The following VPS13B variants were observed in gnomAD, a reference collection of about 807,000 sequenced individuals.
The protein encoded by VPS13B is vacuolar protein sorting 13 homolog B, also known as intermembrane lipid transfer protein VPS13B.
VPS13B carries 285 observed loss-of-function variants against 426.4 expected under a neutral mutation model. The observed-to-expected ratio is 0.67, with a 90% CI of 0.61 to 0.74. VPS13B has a LOEUF of 0.74. VPS13B is among the 30% of genes least tolerant of loss of function. The pLI is 0.00. For missense variants in VPS13B, 4,537 were observed against 4,782.6 expected, an observed-to-expected ratio of 0.95 and a Z score of 1.51; for synonymous variants, 1,676 against 1,676.4, an observed-to-expected ratio of 1.00 and a Z score of 0.01.
chr8:99,681,030 T>C (rs1441225132), intron 35 of VPS13B, among the ~76,000 whole-genome samples: 2 of 152,232 alleles, frequency 1.3e-5, no homozygotes, highest in African/African-American at 4.8e-5. Context: ...TATTTTTGCA[T>C]ATTTTTTTCT....
At chr8:99,455,362 G>A (rs1818399885) in intron 23 of VPS13B, among the ~76,000 whole-genome samples, 1 of 152,056 alleles carries the variant, frequency 6.6e-6, no homozygotes, top group Admixed American at 6.6e-5. Flanking sequence ...GAAGCGTGGT[G>A]GCATCTGCTT....
At chr8:99,439,353 A>G (rs975153360) in intron 22 of VPS13B, among the ~76,000 whole-genome samples, 1 of 152,142 alleles carries the variant, frequency 6.6e-6, no homozygotes, top group African/African-American at 2.4e-5. Flanking sequence ...GAATTCTGTA[A>G]GGATATTAAT....
chr8:99,366,207 C>A (rs957429156), intron 19 of VPS13B, among the ~76,000 whole-genome samples: 1 of 151,962 alleles, frequency 6.6e-6, no homozygotes, highest in Non-Finnish European at 1.5e-5. Context: ...AAGTCTCTAC[C>A]TTTTATTGTG....
chr8:99,217,952 A>T (rs1401526046), intron 17 of VPS13B, among the ~76,000 whole-genome samples: 2 of 152,248 alleles, frequency 1.3e-5, no homozygotes, highest in Admixed American at 1.3e-4. Flanking sequence ...TGACTCATGA[A>T]CATATCAATC....
At chr8:99,150,867 G>T (rs1451062263) in intron 14 of VPS13B, among the ~76,000 whole-genome samples, 2 of 152,106 alleles carry the variant, frequency 1.3e-5, no homozygotes, top group Non-Finnish European at 2.9e-5. Flanking sequence ...TTTTGGTGTG[G>T]GCATGTTTTC....
In VPS13B at chr8:99,156,621, G is replaced by A. The variant is rs1239755416; in HGVS notation, c.2086G>A (p.Asp696Asn). The A allele has an allele frequency of 3.7e-6, 6 of 1,613,958 alleles. No homozygotes were observed. The highest frequency in any genetic ancestry group is 4.2e-6 in the Non-Finnish European group (5 of 1,179,942). ...TTTGCCATCCATTCGAATATTGGTG[G>A]ATAAAATTAATCTGGAACATTCAGT... Reference protein sequence around the residue: ...RPLPSIRILVDKINLEHSVPM... With the variant: ...RPLPSIRILVNKINLEHSVPM... The change falls in exon 15 of 62, where the codon GAT becomes AAT. Residue 696 changes from aspartate (D) to asparagine (N), a missense_variant. Physicochemically the swap from Asp to Asn is conservative, Grantham distance 23 (BLOSUM62 1). Coordinates refer to ENST00000357162, the MANE Select transcript of VPS13B (RefSeq NM_152564.5).
At chr8:99,573,879 A>G (rs1243157184) in intron 31 of VPS13B, among the ~76,000 whole-genome samples, 2 of 152,146 alleles carry the variant, frequency 1.3e-5, no homozygotes, top group East Asian at 3.9e-4. Context: ...GAATCTATAA[A>G]TTACCTTGGG....
intron 33 of VPS13B, among the ~76,000 whole-genome samples, chr8:99,627,566 T>A (rs1283311338): frequency 6.6e-6 from 1 of 152,084 alleles, no homozygotes; most frequent in Non-Finnish European, 1.5e-5. Context: ...GTATTTTTGG[T>A]AGAGATGGGG....
intron 33 of VPS13B, among the ~76,000 whole-genome samples, chr8:99,592,185 C>G (rs1826721042): frequency 6.6e-6 from 1 of 152,074 alleles, no homozygotes; most frequent in Admixed American, 6.6e-5. Flanking sequence ...AAGGTCTTCT[C>G]TACACTGTTT....
intron 34 of VPS13B, among the ~76,000 whole-genome samples, chr8:99,654,361 TATG>T (rs1829943383): frequency 1.3e-5 from 2 of 152,232 alleles, no homozygotes; most frequent in South Asian, 2.1e-4. Context: ...ACTGAATTAT[TATG>T]ATGTTTAATG....
At chr8:99,043,449 G>A (rs2132236815) in intron 3 of VPS13B, among the ~76,000 whole-genome samples, 1 of 152,004 alleles carries the variant, frequency 6.6e-6, no homozygotes, top group African/African-American at 2.4e-5. Flanking sequence ...GCTGAAGTCT[G>A]TGTTTATCGT....
At chr8:99,233,417 G>T in intron 17 of VPS13B, 2 of 1,222,238 alleles carry the variant, frequency 1.6e-6, no homozygotes, top group Non-Finnish European at 1.2e-6. Flanking sequence ...AGTCTTGCCA[G>T]CTGTTTGATG....
chr8:99,812,631 G>C (rs1813775635), intron 44 of VPS13B, among the ~76,000 whole-genome samples: 1 of 152,014 alleles, frequency 6.6e-6, no homozygotes, highest in South Asian at 2.1e-4. Context: ...AAATTTTGTG[G>C]GAACTTTGTA....
chr8:99,530,473 G>T (rs1309671901), intron 30 of VPS13B, among the ~76,000 whole-genome samples: 1 of 152,048 alleles, frequency 6.6e-6, no homozygotes, highest in Non-Finnish European at 1.5e-5. Flanking sequence ...AAGCTAGCAG[G>T]CATGGTGGCT....
intron 19 of VPS13B, among the ~76,000 whole-genome samples, chr8:99,285,084 A>G (rs1007397840): frequency 6.6e-6 from 1 of 152,168 alleles, no homozygotes; most frequent in Non-Finnish European, 1.5e-5. Flanking sequence ...TCAACATCCC[A>G]GTTAATGGAA....
rs1423062011 is a variant in VPS13B at position 99,275,234 on chromosome 8, T to C, written c.2804T>C (p.Ile935Thr). 6.2e-7 allele frequency: 1 copy of C among 1,612,054 alleles called. No homozygotes were observed. Among genetic ancestry groups the C allele is most frequent in the Non-Finnish European group, 8.5e-7 (1 of 1,179,192 alleles). The stretch of plus-strand genomic sequence containing the variant: ...TTCACAATCCAAGTTCCACAATATA[T>C]TGACTACTGCCACAATTCCGGTAAG... ...MAFTIQVPQY[I>T]DYCHNSGAVL... The change falls in exon 19 of 62, where the codon ATT becomes ACT. Residue 935 changes from isoleucine (I) to threonine (T), a missense_variant. Transcript: ENST00000357162.
intron 17 of VPS13B, among the ~76,000 whole-genome samples, chr8:99,271,230 C>CTAA (rs1818583052): frequency 6.6e-6 from 1 of 150,996 alleles, no homozygotes; most frequent in South Asian, 2.1e-4. Flanking sequence ...ACTACTACTA[C>CTAA]TACTACTACT....
At chr8:99,784,238 C>G (rs567262334) in intron 42 of VPS13B, 77 bp from the exon 43 acceptor site, 75 of 1,586,006 alleles carry the variant, frequency 4.7e-5, no homozygotes, top group Non-Finnish European at 6.3e-5. Context: ...TTGTAACAAT[C>G]GCCACTGGGC....
chr8:99,096,478 G>A (rs960980179), intron 4 of VPS13B, 46 bp downstream of exon 4: 32 of 1,609,772 alleles, frequency 2.0e-5, no homozygotes, highest in South Asian at 4.4e-5. Flanking sequence ...ATTTTTGGCC[G>A]GGCATGGTGG....
Sources: allele counts gnomAD v4.1 joint callset (sites outside exome capture counted in the v4.1 genomes callset), GRCh38; gene constraint gnomAD v4.1.1; transcripts MANE v1.5; gene names NCBI Gene and HGNC (gene_info 2026-07-23, HGNC 2026-07-21).